Variants in SIRPA observed in about 807,000 individuals in gnomAD.
SIRPA encodes the protein signal regulatory protein alpha.
SIRPA carries 9 observed loss-of-function variants against 50.3 expected under a neutral mutation model. That is an observed-to-expected ratio of 0.18 (90% CI 0.11 to 0.31). The LOEUF (loss-of-function observed/expected upper bound fraction) is 0.31. SIRPA is among the 10% of genes least tolerant of loss of function. SIRPA has a pLI of 1.00. For missense variants in SIRPA, 474 were observed against 661.6 expected (o/e 0.72, Z 3.11); for synonymous variants, 265 against 284.1 (o/e 0.93, Z 0.68).
In SIRPA at chr20:1,927,828, G is replaced by A. The variant is rs780039088; in HGVS notation, c.1202-47G>A. On this transcript the variant is annotated intron_variant, in intron 5 of 7. Coordinates refer to ENST00000358771, the MANE Select transcript of SIRPA (RefSeq NM_001040023.2). The surrounding 1 kb of genome is among the most constrained non-coding windows in gnomAD (Gnocchi z 6.5). ...GCCAAAAAATAGTTACATAAGAAAAGTGTGCTTCTAGTTAAACAACTGGCT... is the reference window on the plus strand; with the variant it reads ...GCCAAAAAATAGTTACATAAGAAAAATGTGCTTCTAGTTAAACAACTGGCT... 1.3e-6 allele frequency: 2 copies of A among 1,592,778 alleles called. No individual in the cohort carries two copies. Among genetic ancestry groups the A allele is most frequent in the South Asian group, 1.1e-5 (1 of 90,652 alleles).
Position 1,924,081 on chromosome 20 carries a change from A to C in SIRPA, c.1088-683A>C, listed in dbSNP as rs71330413. On this transcript the variant is annotated intron_variant, in intron 4 of 7. Transcript: ENST00000358771. This position sits in a 1 kb window ranked among gnomAD's most constrained non-coding sequence, Gnocchi z 4.5. ...TGACTGTTGGCCCCAGTAACAGAAG[A>C]AGCAGCCAGGGTTTGGAGGGAGGCT... is the stretch of plus-strand genomic sequence containing the variant. 0.018 allele frequency among the ~76,000 whole-genome samples: 2,720 copies of C among 152,288 alleles called. 38 individuals are homozygous for C. The highest frequency in any genetic ancestry group is 0.092 in the Middle Eastern group (27 of 294).
intron 7 of SIRPA, among the ~76,000 whole-genome samples, chr20:1,935,105 G>T (rs548502570): frequency 6.6e-6 from 1 of 152,154 alleles, no homozygotes; most frequent in Non-Finnish European, 1.5e-5. Flanking sequence ...TCTACCAGGA[G>T]CGCCACTCCC....
At position 1,932,602 on chromosome 20, in the gene SIRPA, T is replaced by G. The variant is rs1358669485; in HGVS notation, c.1227-2113T>G. Reference sequence around the variant, plus strand: ...GAGTGGTTATAGAGGGGTTGAGCATTCTGAGCAGAAAAGTAACATGACATC... The same window carrying G: ...GAGTGGTTATAGAGGGGTTGAGCATGCTGAGCAGAAAAGTAACATGACATC... On this transcript the variant is annotated intron_variant, in intron 6 of 7. Transcript: ENST00000358771. The surrounding 1 kb of genome is among the most constrained non-coding windows in gnomAD (Gnocchi z 6.0). 2.6e-5 allele frequency among the ~76,000 whole-genome samples: 4 copies of G among 152,114 alleles called. No homozygotes were observed. Among genetic ancestry groups the G allele is most frequent in the Admixed American group, 6.6e-5 (1 of 15,264 alleles).
rs17855615 is a variant in SIRPA at position 1,915,338 on chromosome 20, C to A, written c.319C>A (p.Arg107Ser). 513,802 of 1,397,184 alleles carry A rather than the reference C, an allele frequency of 0.37. 122,395 individuals are homozygous for A. Among genetic ancestry groups the A allele is most frequent in the East Asian group, 0.66 (28,581 of 43,230 alleles). 86.5% of individuals were successfully genotyped at this position (1,397,184 alleles called of 1,614,324 possible). A position where few individuals can be genotyped will look rare whatever the true frequency, so the allele number is the denominator to read the frequency against. The change falls in exon 2 of 8, where the codon CGC becomes AGC. Residue 107 changes from arginine to serine, a missense_variant. Physicochemically the swap from Arg to Ser is moderately radical, Grantham distance 110 (BLOSUM62 -1). Transcript: ENST00000358771. Reference sequence around the variant, plus strand: ...GAGAAACAACATGGACTTTTCCATCCGCATCGGTAACATCACCCCAGCAGA... The same window carrying A: ...GAGAAACAACATGGACTTTTCCATCAGCATCGGTAACATCACCCCAGCAGA... ...TKRNNMDFSI[R>S]IGNITPADAG...
chr20:1,895,440 C>G lies in SIRPA; in HGVS notation c.-8C>G, dbSNP rs916282843. ...CCGCTCTCCCTCCTCGCTCCGCAGC[C>G]GCGGCCCATGGAGCCCGCCGGCCCG... On this transcript the variant is annotated 5_prime_UTR_variant, in exon 1 of 8. Transcript: ENST00000358771. 1.6e-5 allele frequency: 22 copies of G among 1,400,780 alleles called. No individual in the cohort carries two copies. The highest frequency in any genetic ancestry group is 1.9e-5 in the Non-Finnish European group (21 of 1,085,342). The allele number at this position is 1,400,780 out of a possible 1,614,324, so 86.8% of individuals were successfully genotyped here. A position where few individuals can be genotyped will look rare whatever the true frequency, so the allele number is the denominator to read the frequency against.
chr20:1,930,824 A>G (rs1986263856), intron 6 of SIRPA, among the ~76,000 whole-genome samples: 1 of 152,174 alleles, frequency 6.6e-6, no homozygotes, highest in African/African-American at 2.4e-5. Context: ...TCCCGACCTC[A>G]GGTAATCCAC....
rs1347628087 is a variant in SIRPA, at chr20:1,898,713, C to T, written c.79+3187C>T. On this transcript the variant is annotated intron_variant, in intron 1 of 7. Coordinates refer to ENST00000358771, the MANE Select transcript of SIRPA (RefSeq NM_001040023.2). This position sits in a 1 kb window ranked among gnomAD's most constrained non-coding sequence, Gnocchi z 4.3. ...AAGCTGGAGAGGGAGTGAGAGAGGC[C>T]CCTTTCTGGCCTTGGGTGGAGGACT... Among the ~76,000 whole-genome samples the T allele has an allele frequency of 6.6e-6, 1 of 151,706 alleles. No individual in the cohort carries two copies. Among genetic ancestry groups the T allele is most frequent in the Non-Finnish European group, 1.5e-5 (1 of 67,968 alleles).
At chr20:1,903,027 A>G (rs1984323850) in intron 1 of SIRPA, among the ~76,000 whole-genome samples, 1 of 139,474 alleles carries the variant, frequency 7.2e-6, no homozygotes, top group Non-Finnish European at 1.5e-5. Context: ...AAAAAAAAAA[A>G]AAAAAGAAAA....
In SIRPA at chr20:1,938,555, C is replaced by G. The variant is rs1481372515; in HGVS notation, c.*987C>G. 1 of 152,660 alleles carries G rather than the reference C, an allele frequency of 6.6e-6. No homozygotes were observed. Among genetic ancestry groups the G allele is most frequent in the African/African-American group, 2.4e-5 (1 of 41,460 alleles). 9.5% of individuals were successfully genotyped at this position (152,660 alleles called of 1,614,324 possible). A position where few individuals can be genotyped will look rare whatever the true frequency, so the allele number is the denominator to read the frequency against. On this transcript the variant is annotated 3_prime_UTR_variant, in exon 8 of 8. Transcript: ENST00000358771. ...TTGTCCTGGAGGGATTTTCTTACAG[C>G]GAAGACTTGAGTTCCTCCAAGTCCC...
chr20:1,904,912 T>G (rs1041183020), intron 1 of SIRPA, among the ~76,000 whole-genome samples: 2 of 152,070 alleles, frequency 1.3e-5, no homozygotes, highest in Non-Finnish European at 2.9e-5. Context: ...TGGGGCACAT[T>G]CCTGAATTGG....
In SIRPA at chr20:1,932,422, G is replaced by T. The variant is rs1986344590; in HGVS notation, c.1227-2293G>T. The stretch of plus-strand genomic sequence containing the variant: ...AAGACTGCACCAATCAAAGGGAACA[G>T]CCAGTGCCAAGACCCTGAGACGGGA... On this transcript the variant is annotated intron_variant, in intron 6 of 7. Coordinates refer to ENST00000358771, the MANE Select transcript of SIRPA (RefSeq NM_001040023.2). This position sits in a 1 kb window ranked among gnomAD's most constrained non-coding sequence, Gnocchi z 6.0. Among the ~76,000 whole-genome samples the T allele has an allele frequency of 6.6e-6, 1 of 152,182 alleles. No homozygotes were observed. Among genetic ancestry groups the T allele is most frequent in the South Asian group, 2.1e-4 (1 of 4,834 alleles).
At chr20:1,912,699 G>T (rs564295244) in intron 1 of SIRPA, among the ~76,000 whole-genome samples, 4 of 152,312 alleles carry the variant, frequency 2.6e-5, no homozygotes, top group East Asian at 3.9e-4. Context: ...GACTGTGCTG[G>T]GGTGGATGCC....
At chr20:1,919,040 T>A (rs1985486182) in intron 2 of SIRPA, among the ~76,000 whole-genome samples, 1 of 152,210 alleles carries the variant, frequency 6.6e-6, no homozygotes, top group African/African-American at 2.4e-5. Flanking sequence ...GTAGCGTGCT[T>A]AGGGCAGCAG....
In SIRPA at chr20:1,932,087, G is replaced by A. The variant is rs747737390; in HGVS notation, c.1227-2628G>A. 1.0e-4 allele frequency among the ~76,000 whole-genome samples: 15 copies of A among 149,674 alleles called. No individual in the cohort carries two copies. Among genetic ancestry groups the A allele is most frequent in the Non-Finnish European group, 7.4e-5 (5 of 67,614 alleles). ...ATTCATTCATTCATTCATTCATTCA[G>A]CAAATACATATGGACTGCTGACGAT... On this transcript the variant is annotated intron_variant, in intron 6 of 7. Transcript: ENST00000358771. The surrounding 1 kb of genome is among the most constrained non-coding windows in gnomAD (Gnocchi z 6.0).
At chr20:1,929,728 A>G (rs1174418183) in intron 6 of SIRPA, among the ~76,000 whole-genome samples, 4 of 152,060 alleles carry the variant, frequency 2.6e-5, no homozygotes, top group African/African-American at 9.7e-5. Context: ...TAGGCTCTTC[A>G]CTGCCTTCTG....
chr20:1,923,968 A>C (rs201371124), intron 4 of SIRPA, among the ~76,000 whole-genome samples: 15 of 145,676 alleles, frequency 1.0e-4, no homozygotes, highest in African/African-American at 3.9e-4. Flanking sequence ...TAAAAGAGTC[A>C]GTTGGTTGGC....
intron 1 of SIRPA, among the ~76,000 whole-genome samples, chr20:1,899,548 ACT>A (rs1984039572): frequency 6.6e-6 from 1 of 151,664 alleles, no homozygotes; most frequent in African/African-American, 2.4e-5. Flanking sequence ...CCTCAGCTGA[ACT>A]CTCAGCTCTG....
chr20:1,919,772 A>G (rs140551236), intron 2 of SIRPA, among the ~76,000 whole-genome samples: 90 of 152,214 alleles, frequency 5.9e-4, no homozygotes, highest in African/African-American at 2.1e-3. Flanking sequence ...TTGAAAGCCA[A>G]TTCGCCAAAC....
upstream of SIRPA, chr20:1,894,658 G>A (rs2122913785): frequency 6.7e-6 from 1 of 150,130 alleles, no homozygotes. This position sits in a 1 kb window ranked among gnomAD's most constrained non-coding sequence, Gnocchi z 4.0. Flanking sequence ...GGCGGCTCGC[G>A]GGGCCGCCTT....
Sources: allele counts gnomAD v4.1 joint callset (sites outside exome capture counted in the v4.1 genomes callset), GRCh38; gene constraint gnomAD v4.1.1; non-coding constraint Gnocchi (gnomAD v3.1); transcripts MANE v1.5; gene names NCBI Gene and HGNC (gene_info 2026-07-23, HGNC 2026-07-21).